Variants in ZC3H18 observed in about 807,000 individuals in gnomAD.
ZC3H18 encodes the protein zinc finger CCCH domain-containing protein 18.
Under a neutral mutation model 106.1 loss-of-function variants are expected in ZC3H18, and 8 were observed. The ratio of observed to expected loss-of-function variants is 0.08; its 90% CI spans 0.04 to 0.14. The LOEUF (loss-of-function observed/expected upper bound fraction) is 0.14, where lower values mean the gene tolerates loss of function less well. ZC3H18 is among the 10% of genes least tolerant of loss of function. The pLI is 1.00. For synonymous variants in ZC3H18, 635 were observed against 522.1 expected (o/e 1.22, Z -2.95); for missense variants, 1,318 against 1,278.4 (o/e 1.03, Z -0.47).
chr16:88,593,119 GCACTCAGC>G (rs1202790739), intron 3 of ZC3H18, among the ~76,000 whole-genome samples: 2 of 152,166 alleles, frequency 1.3e-5, no homozygotes, highest in Non-Finnish European at 2.9e-5. Flanking sequence ...TCACTTTACT[GCACTCAGC>G]CACTCAGCCA....
At chr16:88,584,153 G>A (rs1915301835) in intron 2 of ZC3H18, among the ~76,000 whole-genome samples, 1 of 152,186 alleles carries the variant, frequency 6.6e-6, no homozygotes, top group Non-Finnish European at 1.5e-5. Context: ...TGGGCGTGGT[G>A]GCTCACACCT....
intron 9 of ZC3H18, chr16:88,622,670 C>T: frequency 2.3e-6 from 1 of 430,056 alleles, no homozygotes; most frequent in Non-Finnish European, 4.2e-6. Flanking sequence ...GGAGGGGCAC[C>T]TGGATGCGGG....
chr16:88,587,617 C>G (rs1231797953), intron 3 of ZC3H18: 7 of 1,534,418 alleles, frequency 4.6e-6, no homozygotes, highest in Non-Finnish European at 6.1e-6. Context: ...GTTAAAGGTA[C>G]AAAATACGCT....
At chr16:88,601,774 C>G (rs1461524304) in intron 6 of ZC3H18, among the ~76,000 whole-genome samples, 2 of 151,566 alleles carry the variant, frequency 1.3e-5, no homozygotes, top group Admixed American at 1.3e-4. Flanking sequence ...GTGTATGTTA[C>G]AGTTAACCTG....
chr16:88,570,956 G>T (rs1914364201), intron 1 of ZC3H18, among the ~76,000 whole-genome samples: 1 of 152,228 alleles, frequency 6.6e-6, no homozygotes, highest in South Asian at 2.1e-4. Flanking sequence ...AGGTCATCCC[G>T]GGCTGCTGCT....
In ZC3H18 at chr16:88,623,724, A is replaced by T. The variant is rs1399836718; in HGVS notation, c.1794-234A>T. 58 of 666,604 alleles carry T rather than the reference A, an allele frequency of 8.7e-5. 1 individual carries two copies. The highest frequency in any genetic ancestry group is 1.0e-4 in the Non-Finnish European group (43 of 422,822). The allele number at this position is 666,604 out of a possible 1,614,324, so 41.3% of individuals were successfully genotyped here. A position where few individuals can be genotyped will look rare whatever the true frequency, so the allele number is the denominator to read the frequency against. ...CCTGTCCTGCACACACATGAACGTG[A>T]CACTCGCCTCCCGGAGGACCCGCCA... On this transcript the variant is annotated intron_variant, in intron 10 of 17. Coordinates refer to ENST00000301011, the MANE Select transcript of ZC3H18 (RefSeq NM_144604.4).
At chr16:88,581,584 A>G (rs1418025617) in intron 2 of ZC3H18, among the ~76,000 whole-genome samples, 1 of 152,218 alleles carries the variant, frequency 6.6e-6, no homozygotes, top group African/African-American at 2.4e-5. Flanking sequence ...AGCAGTTTGC[A>G]GCACCTGGCT....
intron 1 of ZC3H18, among the ~76,000 whole-genome samples, chr16:88,573,564 T>C (rs1217040874): frequency 6.6e-6 from 1 of 152,056 alleles, no homozygotes; most frequent in South Asian, 2.1e-4. Flanking sequence ...TTTTCAGCAG[T>C]GTATACCAGT....
intron 8 of ZC3H18, among the ~76,000 whole-genome samples, chr16:88,616,548 G>C (rs1481802322): frequency 2.0e-5 from 3 of 152,206 alleles, no homozygotes; most frequent in Non-Finnish European, 2.9e-5. Context: ...TGGAGGACAA[G>C]GGTTTCCCCA....
At chr16:88,602,501 C>T (rs538390671) in intron 6 of ZC3H18, among the ~76,000 whole-genome samples, 1 of 152,312 alleles carries the variant, frequency 6.6e-6, no homozygotes, top group African/African-American at 2.4e-5. Flanking sequence ...ATTCTTAGCT[C>T]GACCCCAGGA....
At position 88,627,930 on chromosome 16, in the gene ZC3H18, G is replaced by C; in HGVS notation, c.2280G>C (p.Lys760Asn). ...AQTRKEKGKS[K>N]KEDGVKEEKR... is the part of the protein sequence containing the mutation. ...ATTTATCATTGGTAGGAAAATCTAA[G>C]AAAGAAGACGGTGTTAAAGAGGAAA... The change falls in exon 15 of 18, where the codon AAG becomes AAC. Residue 760 changes from lysine to asparagine, a missense_variant. Lys to Asn is a moderately conservative substitution (Grantham distance 94). Around this residue, in one of 6 missense-constraint regions of ZC3H18, gnomAD observed 848 missense variants for 821.7 expected, o/e 1.03. Transcript: ENST00000301011. This position sits in a 1 kb window ranked among gnomAD's most constrained non-coding sequence, Gnocchi z 4.5. The C allele has an allele frequency of 6.2e-7, 1 of 1,614,038 alleles. No individual in the cohort carries two copies. The highest frequency in any genetic ancestry group is 1.1e-5 in the South Asian group (1 of 91,084).
In ZC3H18 at chr16:88,627,737, G is replaced by C. The variant is rs372244813; in HGVS notation, c.2224G>C (p.Ala742Pro). The C allele has an allele frequency of 3.1e-6, 5 of 1,613,190 alleles. No individual in the cohort carries two copies. Among genetic ancestry groups the C allele is most frequent in the Non-Finnish European group, 4.2e-6 (5 of 1,179,484 alleles). Residue 742 changes from alanine (A) to proline (P), a missense_variant, in exon 14 of 18, where the codon GCC becomes CCC. Ala to Pro is a conservative substitution (Grantham distance 27). Coordinates refer to ENST00000301011, the MANE Select transcript of ZC3H18 (RefSeq NM_144604.4). This position sits in a 1 kb window ranked among gnomAD's most constrained non-coding sequence, Gnocchi z 4.5. ...AGACCTGGCTAGCCCCGTGTCCTCA[G>C]CCAGCTCTCGGTCCCCGGCCCCAGC... is the stretch of plus-strand genomic sequence containing the variant. ...YADLASPVSSASSRSPAPAQT... is the reference protein window; with the variant it reads ...YADLASPVSSPSSRSPAPAQT...
rs551581642 is a variant in ZC3H18, at chr16:88,614,057, A to AG, written c.1475+2522dup. Among the ~76,000 whole-genome samples, 11 of 152,354 alleles carry AG rather than the reference A, an allele frequency of 7.2e-5. 1 individual carries two copies. In the South Asian group the frequency reaches 2.3e-3, roughly 32 times the overall value. On this transcript the variant is annotated intron_variant, in intron 8 of 17. Coordinates refer to ENST00000301011, the MANE Select transcript of ZC3H18 (RefSeq NM_144604.4). ...CAGTTCCTTATTGGGAAACAGCCCG[A>AG]GATCCTTCCAGGGCCATGGCCTGCA...
intron 6 of ZC3H18, among the ~76,000 whole-genome samples, chr16:88,605,560 C>G (rs1748850449): frequency 6.6e-6 from 1 of 152,266 alleles, no homozygotes; most frequent in African/African-American, 2.4e-5. Flanking sequence ...AGAGCACAGC[C>G]TCCCTCCACC....
rs79918793 is a variant in ZC3H18 at position 88,616,258 on chromosome 16, C to T, written c.1475+4722C>T. Among the ~76,000 whole-genome samples, 955 of 152,350 alleles carry T rather than the reference C, an allele frequency of 6.3e-3. 16 individuals are homozygous for T. Among genetic ancestry groups the T allele is most frequent in the African/African-American group, 0.019 (807 of 41,580 alleles). On this transcript the variant is annotated intron_variant, in intron 8 of 17. Coordinates refer to ENST00000301011, the MANE Select transcript of ZC3H18 (RefSeq NM_144604.4). ...TAAATGAGTTTTTCTTAAAATCAAA[C>T]ACAGCTGCTCTCACCAAACTGGGCC...
chr16:88,599,827 C>T lies in ZC3H18; in HGVS notation c.967C>T (p.Pro323Ser). ...AGCAACTATTCGAAAAGAACAGGAG[C>T]CTGATTTTGAAGAGAAAAGGTTTAC... ...KKATIRKEQE[P>S]DFEEKRFTVT... Residue 323 changes from proline (P) to serine (S), a missense_variant, in exon 6 of 18, where the codon CCT (proline) becomes TCT (serine). Transcript: ENST00000301011. The T allele has an allele frequency of 6.2e-7, 1 of 1,613,972 alleles. No individual in the cohort carries two copies. Among genetic ancestry groups the T allele is most frequent in the Non-Finnish European group, 8.5e-7 (1 of 1,179,980 alleles).
intron 2 of ZC3H18, among the ~76,000 whole-genome samples, chr16:88,584,197 A>G (rs2142571163): frequency 6.6e-6 from 1 of 152,240 alleles, no homozygotes; most frequent in South Asian, 2.1e-4. Context: ...CAAGGCGGGC[A>G]GATCACCTGA....
At chr16:88,587,847 G>A (rs2142593464) in intron 3 of ZC3H18, among the ~76,000 whole-genome samples, 1 of 152,328 alleles carries the variant, frequency 6.6e-6, no homozygotes, top group South Asian at 2.1e-4. Context: ...TTCAGAGGCA[G>A]GCTGTGCTCT....
At chr16:88,590,637 G>A (rs994805836) in intron 3 of ZC3H18, among the ~76,000 whole-genome samples, 6 of 131,690 alleles carry the variant, frequency 4.6e-5, no homozygotes, top group Admixed American at 9.2e-5. Flanking sequence ...ATCTCGGCTC[G>A]TTGGAACCTC....
Sources: allele counts gnomAD v4.1 joint callset (sites outside exome capture counted in the v4.1 genomes callset), GRCh38; gene constraint gnomAD v4.1.1; regional missense constraint gnomAD v4.1.1; non-coding constraint Gnocchi (gnomAD v3.1); transcripts MANE v1.5; gene names NCBI Gene and HGNC (gene_info 2026-07-23, HGNC 2026-07-21).